Variants in CIB3 observed in about 807,000 individuals in gnomAD.
CIB3 encodes the protein calcium and integrin-binding family member 3.
A neutral mutation model predicts 23.4 loss-of-function variants in CIB3; 22 were observed. That is an observed-to-expected ratio of 0.94 (90% CI 0.67 to 1.34). The LOEUF is 1.34. Among genes scored for constraint, CIB3 ranks in the 40% most tolerant of loss-of-function variants. The pLI, the probability that CIB3 is intolerant of heterozygous loss-of-function variation, is 0.00. For synonymous variants in CIB3, 93 were observed against 95.8 expected, an observed-to-expected ratio of 0.97 and a Z score of 0.17; for missense variants, 258 against 247.3, an observed-to-expected ratio of 1.04 and a Z score of -0.29.
In CIB3 at chr19:16,173,506, C is replaced by T; in HGVS notation, c.-31G>A. 1.9e-6 allele frequency: 3 copies of T among 1,601,992 alleles called. No homozygotes were observed. Reference sequence around the variant, plus strand: ...GAACCACAGCCCAGACTTGGGGATGCACCCCAAAGGCTCCCAGCTTCCTCG... The same window carrying T: ...GAACCACAGCCCAGACTTGGGGATGTACCCCAAAGGCTCCCAGCTTCCTCG... On this transcript the variant is annotated 5_prime_UTR_variant, in exon 1 of 6. Transcript: ENST00000269878.
Position 16,173,430 on chromosome 19 carries a change from A to T in CIB3, c.46T>A (p.Tyr16Asn). The change falls in exon 1 of 6, where the codon TAT (tyrosine) becomes AAT (asparagine). Residue 16 changes from tyrosine to asparagine, a missense_variant. Coordinates refer to ENST00000269878, the MANE Select transcript of CIB3 (RefSeq NM_054113.4). ...TVFTHEQLEA[Y>N]QDCTFFTRKE... ...CCCATCCTGCCCCCCTCTACCTGATACGCTTCCAGCTGCTCGTGTGTGAAG... is the reference window on the plus strand; with the variant it reads ...CCCATCCTGCCCCCCTCTACCTGATTCGCTTCCAGCTGCTCGTGTGTGAAG... The T allele has an allele frequency of 6.2e-7, 1 of 1,613,818 alleles. No individual in the cohort carries two copies. Among genetic ancestry groups the T allele is most frequent in the Non-Finnish European group, 8.5e-7 (1 of 1,179,804 alleles).
intron 4 of CIB3, among the ~76,000 whole-genome samples, chr19:16,167,531 G>A (rs1374137677): frequency 6.6e-6 from 1 of 151,914 alleles, no homozygotes; most frequent in East Asian, 1.9e-4. Flanking sequence ...AGACTTCAAG[G>A]GTAAGAAGGA....
chr19:16,162,741 C>T (rs973210794), intron 5 of CIB3, among the ~76,000 whole-genome samples: 2 of 151,442 alleles, frequency 1.3e-5, no homozygotes, highest in East Asian at 1.9e-4. Flanking sequence ...GGTGACAGAG[C>T]GAGACTCCAT....
chr19:16,165,352 A>G (rs886185797), intron 4 of CIB3, among the ~76,000 whole-genome samples: 2 of 151,510 alleles, frequency 1.3e-5, no homozygotes, highest in Non-Finnish European at 2.9e-5. Flanking sequence ...ACCCTGGTGT[A>G]AAATCTGGAA....
intron 5 of CIB3, among the ~76,000 whole-genome samples, chr19:16,162,676 A>T (rs2091289402): frequency 1.4e-5 from 2 of 146,804 alleles, no homozygotes; most frequent in South Asian, 4.4e-4. Context: ...AAGTGCTTGA[A>T]CCTGCGAGGT....
intron 2 of CIB3, among the ~76,000 whole-genome samples, chr19:16,172,657 T>C (rs2091333484): frequency 6.6e-6 from 1 of 151,992 alleles, no homozygotes; most frequent in Non-Finnish European, 1.5e-5. Flanking sequence ...TCCCAACAAA[T>C]TGGAAATACC....
chr19:16,166,555 C>A (rs1011344222), intron 4 of CIB3, among the ~76,000 whole-genome samples: 6 of 152,120 alleles, frequency 3.9e-5, no homozygotes, highest in African/African-American at 1.4e-4. Flanking sequence ...ACTGTAATAA[C>A]TTTTTCATTT....
chr19:16,168,318 C>A, intron 3 of CIB3, 34 bp from the exon 4 acceptor site: 1 of 1,611,616 alleles, frequency 6.2e-7, no homozygotes, highest in Middle Eastern at 1.7e-4. Flanking sequence ...AGGCCATCCT[C>A]TGACCCCCAA....
chr19:16,165,212 G>A (rs1286040591), intron 4 of CIB3, among the ~76,000 whole-genome samples: 1 of 148,368 alleles, frequency 6.7e-6, no homozygotes, highest in African/African-American at 2.5e-5. Flanking sequence ...AGAATCACTT[G>A]AGCCCGGGAG....
At chr19:16,169,799 T>A (rs2091320682) in intron 2 of CIB3, 58 bp from the exon 3 acceptor site, 1 of 1,419,318 alleles carries the variant, frequency 7.0e-7, no homozygotes, top group African/African-American at 1.5e-5. Flanking sequence ...GCAAGACGCT[T>A]GTCCCTTCTT....
chr19:16,170,777 G>A (rs1307102863), intron 2 of CIB3, among the ~76,000 whole-genome samples: 7 of 151,430 alleles, frequency 4.6e-5, no homozygotes, highest in African/African-American at 1.5e-4. Context: ...AGCTGAGATC[G>A]TGTCACTGCA....
Position 16,173,506 on chromosome 19 carries a change from C to A in CIB3, c.-31G>T. On this transcript the variant is annotated 5_prime_UTR_variant, in exon 1 of 6. Transcript: ENST00000269878. ...GAACCACAGCCCAGACTTGGGGATGCACCCCAAAGGCTCCCAGCTTCCTCG... is the reference window on the plus strand; with the variant it reads ...GAACCACAGCCCAGACTTGGGGATGAACCCCAAAGGCTCCCAGCTTCCTCG... 6.2e-7 allele frequency: 1 copy of A among 1,601,998 alleles called. No homozygotes were observed. The highest frequency in any genetic ancestry group is 8.6e-7 in the Non-Finnish European group (1 of 1,169,020).
At chr19:16,171,192 A>G (rs2091326878) in intron 2 of CIB3, among the ~76,000 whole-genome samples, 1 of 152,070 alleles carries the variant, frequency 6.6e-6, no homozygotes, top group Admixed American at 6.6e-5. Flanking sequence ...AAGAAGAAAG[A>G]AAGAAAAAAA....
Position 16,161,425 on chromosome 19 carries a change from T to C in CIB3, c.*40A>G, listed in dbSNP as rs1219172978. ...ACCAGAGTCCACAGCGGGTGAGGGG[T>C]CACCCCGCCCTCCTATAGCTCGGCT... On this transcript the variant is annotated 3_prime_UTR_variant, in exon 6 of 6. Transcript: ENST00000269878. 1.2e-6 allele frequency: 2 copies of C among 1,609,588 alleles called. No individual in the cohort carries two copies. Among genetic ancestry groups the C allele is most frequent in the South Asian group, 1.1e-5 (1 of 90,974 alleles).
In CIB3 at chr19:16,169,672, C is replaced by T. The variant is rs774072753; in HGVS notation, c.156G>A (p.Val52=). 1.6e-5 allele frequency: 26 copies of T among 1,613,760 alleles called. No homozygotes were observed. The highest frequency in any genetic ancestry group is 2.1e-5 in the Non-Finnish European group (25 of 1,179,842). The change falls in exon 3 of 6, where the codon GTG becomes GTA. Residue 52 remains valine, a synonymous_variant. Coordinates refer to ENST00000269878, the MANE Select transcript of CIB3 (RefSeq NM_054113.4). ...VPLDYTTCPD[V]KVPYELIGSM... is the part of the protein sequence containing the mutation. ...TGCCAATGAGCTCGTAGGGCACCTT[C>T]ACATCGGGGCAGGTGGTATAGTCGA...
intron 5 of CIB3, among the ~76,000 whole-genome samples, chr19:16,162,886 C>CTTTT (rs373689760): frequency 2.1e-4 from 22 of 102,430 alleles, no homozygotes; most frequent in African/African-American, 5.7e-4. Flanking sequence ...CTTTTCTTTT[C>CTTTT]TTTTTTTTTT....
chr19:16,167,378 G>T (rs141027100), intron 4 of CIB3, among the ~76,000 whole-genome samples: 146 of 152,310 alleles, frequency 9.6e-4, no homozygotes, highest in African/African-American at 3.3e-3. Context: ...GATACTGTTG[G>T]TACCTTTGAG....
rs546246823 is a variant in CIB3, at chr19:16,165,475, G to A, written c.347-562C>T. Among the ~76,000 whole-genome samples the A allele has an allele frequency of 5.3e-5, 8 of 150,792 alleles. No individual in the cohort carries two copies. In the East Asian group the frequency reaches 7.9e-4, roughly 15 times the overall value. On this transcript the variant is annotated intron_variant, in intron 4 of 5. Transcript: ENST00000269878. ...TTTTTTTTCTTTGAGACGGAGTCTCGCTCTGTCGCCCAGGCTGGAGTGCAG... is the reference window on the plus strand; with the variant it reads ...TTTTTTTTCTTTGAGACGGAGTCTCACTCTGTCGCCCAGGCTGGAGTGCAG...
chr19:16,172,370 A>G (rs957866092), intron 2 of CIB3, among the ~76,000 whole-genome samples: 7 of 151,924 alleles, frequency 4.6e-5, no homozygotes, highest in African/African-American at 1.7e-4. Flanking sequence ...GGCCAGGCTG[A>G]TCTTAAACTC....
Sources: allele counts gnomAD v4.1 joint callset (sites outside exome capture counted in the v4.1 genomes callset), GRCh38; gene constraint gnomAD v4.1.1; transcripts MANE v1.5; gene names NCBI Gene and HGNC (gene_info 2026-07-23, HGNC 2026-07-21).